Variants in KCNMA1 observed in about 807,000 individuals in gnomAD.
The protein encoded by KCNMA1 is potassium calcium-activated channel subfamily M alpha 1.
In KCNMA1, 29 loss-of-function variants were observed where a neutral mutation model predicts 140.0. That is an observed-to-expected ratio of 0.21 (90% CI 0.15 to 0.28). KCNMA1 has a LOEUF of 0.28. KCNMA1 is among the 10% of genes least tolerant of loss of function. The probability of loss-of-function intolerance (pLI) is 1.00; values close to 1 mark genes in which losing one functional copy is unlikely to be tolerated. For missense variants in KCNMA1, 880 were observed against 1,602.2 expected (o/e 0.55, Z 7.70); for synonymous variants, 612 against 611.9 (o/e 1.00, Z 0.00).
At chr10:76,899,109 G>A (rs1414360989) in intron 25 of KCNMA1, among the ~76,000 whole-genome samples, 3 of 152,114 alleles carry the variant, frequency 2.0e-5, no homozygotes, top group African/African-American at 4.8e-5. Context: ...TAGGCAAAAA[G>A]CAAAGTAGTA....
At chr10:76,893,818 A>G (rs1170712262) in intron 25 of KCNMA1, among the ~76,000 whole-genome samples, 1 of 152,222 alleles carries the variant, frequency 6.6e-6, no homozygotes, top group Non-Finnish European at 1.5e-5. Flanking sequence ...ACTACAAAAT[A>G]TTACTGAAAG....
chr10:76,995,077 C>T (rs1426445821), intron 19 of KCNMA1, among the ~76,000 whole-genome samples: 11 of 152,144 alleles, frequency 7.2e-5, no homozygotes, highest in Non-Finnish European at 1.3e-4. Flanking sequence ...AACAAATTAG[C>T]CACAGACACG....
intron 1 of KCNMA1, among the ~76,000 whole-genome samples, chr10:77,510,027 T>G (rs934846028): frequency 2.0e-5 from 3 of 152,012 alleles, no homozygotes; most frequent in Non-Finnish European, 2.9e-5. Flanking sequence ...TCTCCTTCCA[T>G]GAGTGTTGCT....
At chr10:77,615,736 C>T (rs1567886630) in intron 1 of KCNMA1, among the ~76,000 whole-genome samples, 2 of 152,104 alleles carry the variant, frequency 1.3e-5, no homozygotes, top group African/African-American at 2.4e-5. Context: ...CCCCATTTTC[C>T]TCCAACCCTA....
chr10:77,223,685 C>T (rs2050403961), intron 3 of KCNMA1, among the ~76,000 whole-genome samples: 1 of 152,112 alleles, frequency 6.6e-6, no homozygotes, highest in South Asian at 2.1e-4. Context: ...TTTCCTTCCT[C>T]AATTGTGGGG....
At chr10:77,626,659 A>C (rs2092568971) in intron 1 of KCNMA1, among the ~76,000 whole-genome samples, 1 of 152,212 alleles carries the variant, frequency 6.6e-6, no homozygotes, top group East Asian at 1.9e-4. Context: ...GAGGAGCAGA[A>C]TTCTGCTCTT....
At chr10:77,078,942 C>T (rs72805519) in intron 13 of KCNMA1, among the ~76,000 whole-genome samples, 4,013 of 152,298 alleles carry the variant, frequency 0.026, 82 homozygotes, top group Non-Finnish European at 0.041. Context: ...AAGGAGCATC[C>T]TTCCAGTGAC....
At chr10:77,073,391 G>A (rs2096276994) in intron 13 of KCNMA1, 139 bp from the exon 14 acceptor site, 10 of 856,872 alleles carry the variant, frequency 1.2e-5, no homozygotes, top group Non-Finnish European at 1.9e-5. Flanking sequence ...GCGGTCTGAT[G>A]TTTGCTGTTT....
At chr10:77,327,366 G>A (rs567965134) in intron 2 of KCNMA1, among the ~76,000 whole-genome samples, 1 of 151,702 alleles carries the variant, frequency 6.6e-6, no homozygotes, top group South Asian at 2.1e-4. Context: ...TGTTGTTGTT[G>A]TTTGAGATGG....
At chr10:77,096,862 T>C (rs2096944447) in intron 9 of KCNMA1, among the ~76,000 whole-genome samples, 1 of 152,146 alleles carries the variant, frequency 6.6e-6, no homozygotes, top group African/African-American at 2.4e-5. Flanking sequence ...CTAATTGTGT[T>C]TTCCTCGTCC....
intron 23 of KCNMA1, among the ~76,000 whole-genome samples, chr10:76,944,107 GT>G (rs2063312484): frequency 6.6e-6 from 1 of 152,162 alleles, no homozygotes; most frequent in African/African-American, 2.4e-5. Flanking sequence ...TTTTATGAAG[GT>G]TTTGCTGTGT....
At position 77,439,087 on chromosome 10, in the gene KCNMA1, A is replaced by AAGAGAAGAG. The variant is rs2097328004; in HGVS notation, c.379-35065_379-35064insCTCTTCTCT. Among the ~76,000 whole-genome samples the AAGAGAAGAG allele has an allele frequency of 3.7e-4, 46 of 124,926 alleles. 1 individual carries two copies. Among genetic ancestry groups the AAGAGAAGAG allele is most frequent in the Non-Finnish European group, 5.4e-4 (32 of 59,540 alleles). 82.0% of individuals were successfully genotyped at this position (124,926 alleles called of 152,430 possible). On this transcript the variant is annotated intron_variant, in intron 1 of 27. Coordinates refer to ENST00000286628, the MANE Select transcript of KCNMA1 (RefSeq NM_001161352.2). ...CTCTCTCAAAAAAAGAAAGAAAAGA[A>AAGAGAAGAG]AAGAGAAGAGAAGAGAAGAGAAGAG... is the stretch of plus-strand genomic sequence containing the variant.
intron 5 of KCNMA1, among the ~76,000 whole-genome samples, chr10:77,124,571 A>G (rs573152553): frequency 6.6e-6 from 1 of 152,292 alleles, no homozygotes; most frequent in South Asian, 2.1e-4. Flanking sequence ...AGAGGGAAAT[A>G]TCTCCTTGCA....
At chr10:77,009,431 T>A (rs1188768181) in intron 18 of KCNMA1, among the ~76,000 whole-genome samples, 2 of 152,168 alleles carry the variant, frequency 1.3e-5, no homozygotes, top group African/African-American at 4.8e-5. Context: ...TGTGTTCCAC[T>A]ATGGCGTCCT....
At chr10:77,094,581 C>T (rs2096884466) in intron 9 of KCNMA1, among the ~76,000 whole-genome samples, 1 of 152,204 alleles carries the variant, frequency 6.6e-6, no homozygotes, top group Non-Finnish European at 1.5e-5. Context: ...AGTCTGATTA[C>T]AGGCAGAAAT....
chr10:77,385,508 C>T (rs1456317283), intron 2 of KCNMA1, among the ~76,000 whole-genome samples: 4 of 152,224 alleles, frequency 2.6e-5, no homozygotes, highest in African/African-American at 9.6e-5. Context: ...CACACTAGTA[C>T]ATGGCAGAAC....
chr10:77,127,654 G>A (rs370575232), intron 5 of KCNMA1, among the ~76,000 whole-genome samples: 1 of 34,362 alleles, frequency 2.9e-5, no homozygotes, highest in Middle Eastern at 0.016. Flanking sequence ...AGGCAGGAGG[G>A]GAAAGGGAGA....
intron 1 of KCNMA1, among the ~76,000 whole-genome samples, chr10:77,426,602 A>T (rs1188336529): frequency 6.6e-6 from 1 of 152,230 alleles, no homozygotes; most frequent in African/African-American, 2.4e-5. Context: ...TGACTATTAT[A>T]GTCTCTTGTC....
chr10:77,043,356 T>C (rs1483375527), intron 14 of KCNMA1, among the ~76,000 whole-genome samples: 1 of 152,218 alleles, frequency 6.6e-6, no homozygotes, highest in Non-Finnish European at 1.5e-5. Flanking sequence ...GCTAATTGAA[T>C]TACACTGTCA....
Sources: gnomAD v4.1 joint callset for allele counts (sites outside exome capture counted in the v4.1 genomes callset) on GRCh38, gnomAD v4.1.1 for gene constraint, MANE v1.5 for transcripts, NCBI Gene and HGNC (gene_info 2026-07-23, HGNC 2026-07-21) for gene names.